The following FSTL1 variants were observed in gnomAD, a reference collection of about 807,000 sequenced individuals.
The protein encoded by FSTL1 is follistatin like 1, also known as follistatin-related protein 1.
In FSTL1, 24 loss-of-function variants were observed where a neutral mutation model predicts 45.9. The observed-to-expected ratio is 0.52, with a 90% CI of 0.38 to 0.74. The LOEUF (loss-of-function observed/expected upper bound fraction) is 0.74. Among genes scored for constraint, FSTL1 ranks in the 30% least tolerant of loss-of-function variants. The pLI, the probability that FSTL1 is intolerant of heterozygous loss-of-function variation, is 0.00. For missense variants in FSTL1, 340 were observed against 381.8 expected (o/e 0.89, Z 0.91); for synonymous variants, 120 against 137.6 (o/e 0.87, Z 0.89).
chr3:120,408,512 C>T (rs928211551), intron 6 of FSTL1, among the ~76,000 whole-genome samples: 1 of 152,202 alleles, frequency 6.6e-6, no homozygotes, highest in African/African-American at 2.4e-5. Flanking sequence ...CTGGCATTGG[C>T]CACATTAGGT....
intron 2 of FSTL1, among the ~76,000 whole-genome samples, chr3:120,448,890 C>T (rs1193858333): frequency 3.3e-5 from 5 of 152,188 alleles, no homozygotes; most frequent in Admixed American, 6.6e-5. Context: ...CAACAGCCTC[C>T]TCACACCTCA....
At chr3:120,404,582 T>C (rs1318502030) in intron 7 of FSTL1, among the ~76,000 whole-genome samples, 2 of 152,378 alleles carry the variant, frequency 1.3e-5, no homozygotes, top group South Asian at 4.1e-4. Flanking sequence ...AATAACTTGC[T>C]CTGACGTGCC....
Position 120,403,361 on chromosome 3 carries a change from C to A in FSTL1, c.582-7G>T, listed in dbSNP as rs375737073. ...AGCATCAACACAGAGTCCCCTGAAA[C>A]AAAACACAGGAGAAATGTGTTAGCA... is the stretch of plus-strand genomic sequence containing the variant. On this transcript the variant is annotated splice_polypyrimidine_tract_variant and splice_region_variant and intron_variant, in intron 7 of 10. Coordinates refer to ENST00000295633, the MANE Select transcript of FSTL1 (RefSeq NM_007085.5). The A allele has an allele frequency of 2.0e-6, 3 of 1,522,608 alleles. No homozygotes were observed. The African/African-American group carries it at 4.1e-5, about 21-fold the overall frequency. 94.3% of individuals were successfully genotyped at this position (1,522,608 alleles called of 1,614,324 possible). A position where few individuals can be genotyped will look rare whatever the true frequency, so the allele number is the denominator to read the frequency against.
At chr3:120,397,942 A>C (rs1936735356) in intron 10 of FSTL1, among the ~76,000 whole-genome samples, 1 of 152,262 alleles carries the variant, frequency 6.6e-6, no homozygotes, top group African/African-American at 2.4e-5. Context: ...GGAAAGAAGT[A>C]CTGATTCATG....
intron 2 of FSTL1, among the ~76,000 whole-genome samples, chr3:120,431,473 T>C (rs958110559): frequency 6.6e-6 from 1 of 152,214 alleles, no homozygotes; most frequent in Non-Finnish European, 1.5e-5. Context: ...CTAGCCACGT[T>C]TCAAGTGCTC....
intron 2 of FSTL1, among the ~76,000 whole-genome samples, chr3:120,426,090 A>G (rs935725119): frequency 3.3e-5 from 5 of 152,178 alleles, no homozygotes; most frequent in African/African-American, 1.2e-4. Context: ...GCCAGGGCTC[A>G]CATTTACTCA....
At chr3:120,399,540 G>A (rs1389494674) in intron 10 of FSTL1, among the ~76,000 whole-genome samples, 1 of 152,166 alleles carries the variant, frequency 6.6e-6, no homozygotes, top group Non-Finnish European at 1.5e-5. Flanking sequence ...CAGTCTTTGG[G>A]TCTGGACACT....
intron 3 of FSTL1, among the ~76,000 whole-genome samples, chr3:120,413,157 T>G (rs1303915477): frequency 1.3e-5 from 2 of 152,194 alleles, no homozygotes; most frequent in Admixed American, 6.5e-5. Flanking sequence ...GAAGTAAATT[T>G]AGCTCAGATC....
chr3:120,441,110 T>C lies in FSTL1; in HGVS notation c.63+9574A>G, dbSNP rs150934459. Reference sequence around the variant, plus strand: ...TCTTTGAGAGTAATTGGCACTTATTTTTGAAATAATGAAAGCAAAGGATCC... The same window carrying C: ...TCTTTGAGAGTAATTGGCACTTATTCTTGAAATAATGAAAGCAAAGGATCC... On this transcript the variant is annotated intron_variant, in intron 2 of 10. Transcript: ENST00000295633. Among the ~76,000 whole-genome samples the C allele has an allele frequency of 7.6e-4, 116 of 152,348 alleles. 1 individual carries two copies. The highest frequency in any genetic ancestry group is 6.8e-3 in the Middle Eastern group (2 of 294).
At chr3:120,404,383 A>G (rs930412653) in intron 7 of FSTL1, among the ~76,000 whole-genome samples, 4 of 152,250 alleles carry the variant, frequency 2.6e-5, no homozygotes, top group African/African-American at 9.6e-5. Flanking sequence ...AGTTTTTATT[A>G]ATATTGATTC....
In FSTL1 at chr3:120,393,652, A is replaced by G. The variant is rs1264833030; in HGVS notation, c.*3300T>C. The G allele has an allele frequency of 6.6e-6, 1 of 152,116 alleles. No homozygotes were observed. The highest frequency in any genetic ancestry group is 6.5e-5 in the Admixed American group (1 of 15,270). The allele number at this position is 152,116 out of a possible 1,614,324, so 9.4% of individuals were successfully genotyped here. On this transcript the variant is annotated 3_prime_UTR_variant, in exon 11 of 11. Coordinates refer to ENST00000295633, the MANE Select transcript of FSTL1 (RefSeq NM_007085.5). The stretch of plus-strand genomic sequence containing the variant: ...GGGGGATTTACGAGTCATTTAATTT[A>G]ATGTCTTCCCAATACAGGAATGCAC...
At chr3:120,447,372 G>A (rs1937778888) in intron 2 of FSTL1, among the ~76,000 whole-genome samples, 1 of 151,846 alleles carries the variant, frequency 6.6e-6, no homozygotes, top group Non-Finnish European at 1.5e-5. Flanking sequence ...TGCCCTCTCT[G>A]CCTAGTCCAT....
chr3:120,409,663 C>G lies in FSTL1; in HGVS notation c.332-1G>C, dbSNP rs1484316898. 6.2e-7 allele frequency: 1 copy of G among 1,613,904 alleles called. No individual in the cohort carries two copies. The highest frequency in any genetic ancestry group is 8.5e-7 in the Non-Finnish European group (1 of 1,179,854). ...TCACGGTTGGACTGATAGCAAACAA[C>G]TGCAGGAAAGTGGAGGATGTCAGCT... On this transcript the variant is annotated splice_acceptor_variant, in intron 5 of 10. Coordinates refer to ENST00000295633, the MANE Select transcript of FSTL1 (RefSeq NM_007085.5). LOFTEE classifies it high-confidence loss of function.
rs1560011640 is a variant in FSTL1, at chr3:120,403,965, A to ACG, written c.582-612_582-611insCG. On this transcript the variant is annotated intron_variant, in intron 7 of 10. Transcript: ENST00000295633. ...AAAAACAAAAACAAAACAAAACAAA[A>ACG]ACAAAAACAAAAAAAAACAAAAAAC... 2.9e-3 allele frequency among the ~76,000 whole-genome samples: 169 copies of ACG among 57,724 alleles called. 2 individuals carry two copies. The highest frequency in any genetic ancestry group is 0.013 in the African/African-American group (160 of 12,648). The allele number at this position is 57,724 out of a possible 152,430, so 37.9% of individuals were successfully genotyped here.
intron 2 of FSTL1, among the ~76,000 whole-genome samples, chr3:120,431,646 G>T (rs1937480049): frequency 6.6e-6 from 1 of 151,700 alleles, no homozygotes. Context: ...AATATAGCAA[G>T]ATCCTGTCTC....
At position 120,416,285 on chromosome 3, in the gene FSTL1, T is replaced by C. The variant is rs192373631; in HGVS notation, c.64-258A>G. Reference sequence around the variant, plus strand: ...ATGTTTCTCAAAGAGCAAGAGTTCCTTTCTTGCATGCTTCCTTTCTTCTAA... The same window carrying C: ...ATGTTTCTCAAAGAGCAAGAGTTCCCTTCTTGCATGCTTCCTTTCTTCTAA... On this transcript the variant is annotated intron_variant, in intron 2 of 10. Coordinates refer to ENST00000295633, the MANE Select transcript of FSTL1 (RefSeq NM_007085.5). 7.9e-5 allele frequency among the ~76,000 whole-genome samples: 12 copies of C among 152,320 alleles called. No homozygotes were observed. The East Asian group carries it at 1.7e-3, about 22-fold the overall frequency.
intron 3 of FSTL1, 57 bp from the exon 4 acceptor site, chr3:120,412,040 C>T (rs1937065259): frequency 2.8e-6 from 2 of 703,204 alleles, no homozygotes; most frequent in Non-Finnish European, 4.5e-6. Flanking sequence ...CACACAGACA[C>T]ACACACACAC....
In FSTL1 at chr3:120,448,068, T is replaced by G. The variant is rs1559746820; in HGVS notation, c.63+2616A>C. Among the ~76,000 whole-genome samples the G allele has an allele frequency of 5.3e-5, 8 of 152,348 alleles. No homozygotes were observed. In the East Asian group the frequency reaches 1.5e-3, roughly 29 times the overall value. On this transcript the variant is annotated intron_variant, in intron 2 of 10. Transcript: ENST00000295633. ...AGTGGAGAGCACCTCTGATTCTGGTTTACTACAGAGGCTCTGGCTTCTTCA... is the reference window on the plus strand; with the variant it reads ...AGTGGAGAGCACCTCTGATTCTGGTGTACTACAGAGGCTCTGGCTTCTTCA...
chr3:120,419,289 A>T (rs1937239411), intron 2 of FSTL1: 1 of 152,226 alleles, frequency 6.6e-6, no homozygotes, highest in Non-Finnish European at 1.5e-5. Context: ...CTCCCCAGTG[A>T]TCCCCATTCA....
Sources: gnomAD v4.1 joint callset for allele counts (sites outside exome capture counted in the v4.1 genomes callset) on GRCh38, gnomAD v4.1.1 for gene constraint, MANE v1.5 for transcripts, NCBI Gene and HGNC (gene_info 2026-07-23, HGNC 2026-07-21) for gene names.